The following TIAM1 variants were observed in gnomAD, a reference collection of about 807,000 sequenced individuals.
TIAM1 encodes the protein rho guanine nucleotide exchange factor TIAM1.
A neutral mutation model predicts 163.5 loss-of-function variants in TIAM1; 65 were observed. The observed-to-expected ratio is 0.40, with a 90% confidence interval of 0.33 to 0.49. The LOEUF (loss-of-function observed/expected upper bound fraction) is 0.49, where lower values mean the gene tolerates loss of function less well. TIAM1 is among the 20% of genes least tolerant of loss of function. The pLI is 0.77. For synonymous variants in TIAM1, 833 were observed against 810.1 expected, an observed-to-expected ratio of 1.03 and a Z score of -0.48; for missense variants, 1,789 against 2,044.7, an observed-to-expected ratio of 0.87 and a Z score of 2.41.
chr21:31,468,070 C>G (rs2045596087), intron 1 of TIAM1, among the ~76,000 whole-genome samples: 1 of 134,822 alleles, frequency 7.4e-6, no homozygotes, highest in Non-Finnish European at 1.6e-5. Context: ...CCCTGGGCGA[C>G]AAGAGCGAAA....
intron 6 of TIAM1, among the ~76,000 whole-genome samples, 183 bp from the exon 7 acceptor site, chr21:31,226,133 T>A (rs1471413014): frequency 1.3e-5 from 2 of 152,108 alleles, no homozygotes. Context: ...GAGTCTCAGG[T>A]CAGATGCCCA....
chr21:31,351,758 G>A (rs1423968527), intron 2 of TIAM1, among the ~76,000 whole-genome samples: 1 of 152,096 alleles, frequency 6.6e-6, no homozygotes, highest in Non-Finnish European at 1.5e-5. Flanking sequence ...TCTACCCCTG[G>A]AATACCAAGA....
At chr21:31,339,917 C>T (rs750094492) in intron 1 of TIAM1, among the ~76,000 whole-genome samples, 11 of 152,252 alleles carry the variant, frequency 7.2e-5, no homozygotes, top group Admixed American at 1.3e-4. Flanking sequence ...ATGAAAACGA[C>T]GCCTCCTTGT....
intron 11 of TIAM1, 30 bp from the exon 12 acceptor site, chr21:31,203,042 A>G (rs1352689554): frequency 6.5e-7 from 1 of 1,545,618 alleles, no homozygotes; most frequent in Middle Eastern, 1.7e-4. Flanking sequence ...AAGAAAGAAA[A>G]TGTCTGTTCA....
chr21:31,484,735 C>A (rs1441614035), intron 1 of TIAM1, among the ~76,000 whole-genome samples: 1 of 152,202 alleles, frequency 6.6e-6, no homozygotes, highest in Admixed American at 6.5e-5. Flanking sequence ...GCCATCTTCA[C>A]GTTCTGAGGC....
intron 1 of TIAM1, among the ~76,000 whole-genome samples, chr21:31,511,456 C>T (rs376382124): frequency 1.3e-3 from 202 of 152,256 alleles, no homozygotes; most frequent in African/African-American, 4.7e-3. Context: ...GACATCTGAC[C>T]TTGGCCAAGA....
At chr21:31,230,133 T>C (rs1601633663) in intron 6 of TIAM1, among the ~76,000 whole-genome samples, 1 of 151,938 alleles carries the variant, frequency 6.6e-6, no homozygotes, top group Non-Finnish European at 1.5e-5. Flanking sequence ...AGTTAGAACC[T>C]CCCAGCCCCT....
At chr21:31,410,999 A>AGTGGCTCCAAGGGTGAG (rs1331322134) in intron 2 of TIAM1, among the ~76,000 whole-genome samples, 1 of 152,176 alleles carries the variant, frequency 6.6e-6, no homozygotes, top group Non-Finnish European at 1.5e-5. Flanking sequence ...CCACAAGGCA[A>AGTGGCTCCAAGGGTGAG]GTGGCTCCAA....
chr21:31,429,353 C>G (rs1429514449), intron 2 of TIAM1, among the ~76,000 whole-genome samples: 2 of 152,076 alleles, frequency 1.3e-5, no homozygotes, highest in Non-Finnish European at 2.9e-5. Flanking sequence ...TCTAAAGACT[C>G]AAAAATATTC....
intron 1 of TIAM1, among the ~76,000 whole-genome samples, chr21:31,543,534 G>GT (rs2048387669): frequency 6.6e-6 from 1 of 152,058 alleles, no homozygotes. Flanking sequence ...CGATTCAGAA[G>GT]GGAAGGGACG....
chr21:31,119,694 T>A lies in TIAM1; in HGVS notation c.*674A>T, dbSNP rs1340324827. The A allele has an allele frequency of 6.6e-6, 1 of 152,570 alleles. No homozygotes were observed. The highest frequency in any genetic ancestry group is 1.5e-5 in the Non-Finnish European group (1 of 68,044). 9.5% of individuals were successfully genotyped at this position (152,570 alleles called of 1,614,324 possible). ...AAAAATAGTGTTTCTTTTCTTTCTCTCAAGCGATAAATTTGGATCTCTTTT... is the reference window on the plus strand; with the variant it reads ...AAAAATAGTGTTTCTTTTCTTTCTCACAAGCGATAAATTTGGATCTCTTTT... On this transcript the variant is annotated 3_prime_UTR_variant, in exon 28 of 28. Coordinates refer to ENST00000541036, the MANE Select transcript of TIAM1 (RefSeq NM_001353694.2).
chr21:31,539,128 A>G (rs2048236152), intron 1 of TIAM1, among the ~76,000 whole-genome samples: 1 of 152,172 alleles, frequency 6.6e-6, no homozygotes, highest in Non-Finnish European at 1.5e-5. Flanking sequence ...CCAAGAGCAC[A>G]CACACACCAC....
chr21:31,507,747 A>T lies in TIAM1; in HGVS notation c.-421-43712T>A, dbSNP rs546776390. Reference sequence around the variant, plus strand: ...TCACAGGCAGCTATCTGGAGCAGACAGACAACAGTGAAACTGACGCAGGCA... The same window carrying T: ...TCACAGGCAGCTATCTGGAGCAGACTGACAACAGTGAAACTGACGCAGGCA... On this transcript the variant is annotated intron_variant, in intron 1 of 28. Coordinates refer to the TIAM1 transcript ENST00000286827. 3.3e-5 allele frequency among the ~76,000 whole-genome samples: 5 copies of T among 152,296 alleles called. No individual in the cohort carries two copies. The East Asian group carries it at 9.7e-4, about 30-fold the overall frequency.
rs374926331 is a variant in TIAM1, at chr21:31,454,588, C to A, written c.-369+9395G>T. On this transcript the variant is annotated intron_variant, in intron 2 of 28. Transcript: ENST00000286827. ...GGCCATGTGGAACAGCAGCCCAGCA[C>A]GCGTGTCCAAGCCAAGCATGACAAG... 1.2e-4 allele frequency among the ~76,000 whole-genome samples: 19 copies of A among 152,200 alleles called. No individual in the cohort carries two copies. The East Asian group carries it at 2.7e-3, about 22-fold the overall frequency.
intron 1 of TIAM1, among the ~76,000 whole-genome samples, chr21:31,536,518 C>G (rs2048140048): frequency 6.6e-6 from 1 of 152,244 alleles, no homozygotes; most frequent in Non-Finnish European, 1.5e-5. Flanking sequence ...GATTCAAACT[C>G]TCACCCGATA....
intron 6 of TIAM1, among the ~76,000 whole-genome samples, chr21:31,244,245 C>T (rs1200464167): frequency 6.6e-6 from 1 of 152,156 alleles, no homozygotes; most frequent in African/African-American, 2.4e-5. Context: ...AAGCCAGAAA[C>T]TTGGTGAAAT....
At chr21:31,182,064 C>T (rs1186074723) in intron 15 of TIAM1, among the ~76,000 whole-genome samples, 5 of 151,396 alleles carry the variant, frequency 3.3e-5, no homozygotes, top group East Asian at 1.9e-4. Flanking sequence ...ATTACAGGTG[C>T]GAGCCACCAC....
Position 31,473,429 on chromosome 21 carries a change from CAAAAAAAAAAAAAAAAAAAAA to C in TIAM1, c.-421-9415_-421-9395del, listed in dbSNP as rs56691495. ...TGGGGGACAGATCAAGACTCCATCT[CAAAAAAAAAAAAAAAAAAAAA>C]AAAAAAAAAAAAAAAACATGGCTTA... On this transcript the variant is annotated intron_variant, in intron 1 of 28. Coordinates refer to the TIAM1 transcript ENST00000286827. Among the ~76,000 whole-genome samples, 346 of 75,742 alleles carry C rather than the reference CAAAAAAAAAAAAAAAAAAAAA, an allele frequency of 4.6e-3. 8 individuals are homozygous for C. The highest frequency in any genetic ancestry group is 0.013 in the African/African-American group (300 of 23,624). 49.7% of individuals were successfully genotyped at this position (75,742 alleles called of 152,430 possible).
At chr21:31,290,492 T>C (rs1601841433) in intron 2 of TIAM1, among the ~76,000 whole-genome samples, 2 of 150,798 alleles carry the variant, frequency 1.3e-5, no homozygotes, top group South Asian at 2.1e-4. Context: ...AAAAAATATA[T>C]AAAAATTATC....
Sources: allele counts gnomAD v4.1 joint callset (sites outside exome capture counted in the v4.1 genomes callset), GRCh38; gene constraint gnomAD v4.1.1; transcripts MANE v1.5; gene names NCBI Gene and HGNC (gene_info 2026-07-23, HGNC 2026-07-21).